The following TBX1 variants were observed in gnomAD, a reference collection of about 807,000 sequenced individuals.
TBX1 encodes the protein T-box transcription factor 1, also known as T-box transcription factor TBX1.
In TBX1, 16 loss-of-function variants were observed where a neutral mutation model predicts 40.8. The ratio of observed to expected loss-of-function variants is 0.39; its 90% confidence interval spans 0.27 to 0.60. TBX1 has a LOEUF of 0.60. TBX1 is among the 20% of genes least tolerant of loss of function. The probability of loss-of-function intolerance (pLI) is 0.51; values close to 1 mark genes in which losing one functional copy is unlikely to be tolerated. For missense variants in TBX1, 755 were observed against 728.5 expected, an observed-to-expected ratio of 1.04 and a Z score of -0.42; for synonymous variants, 403 against 336.8, an observed-to-expected ratio of 1.20 and a Z score of -2.15.
chr22:19,759,812 G>A (rs920254182), upstream of TBX1: 26 of 1,117,032 alleles, frequency 2.3e-5, no homozygotes, highest in Admixed American at 1.0e-4. Context: ...CGATTCTGGG[G>A]CAGAGAGGAA....
intron 8 of TBX1, among the ~76,000 whole-genome samples, chr22:19,775,296 T>C (rs922881355): frequency 6.6e-6 from 1 of 152,080 alleles, no homozygotes; most frequent in Non-Finnish European, 1.5e-5. Flanking sequence ...GGTTTCACCA[T>C]GTTGGCCAGG....
Position 19,766,999 on chromosome 22 carries a change from C to T in TBX1, c.*132C>T. The T allele has an allele frequency of 7.1e-7, 1 of 1,401,436 alleles. No homozygotes were observed. The highest frequency in any genetic ancestry group is 1.5e-5 in the South Asian group (1 of 67,032). 86.8% of individuals were successfully genotyped at this position (1,401,436 alleles called of 1,614,324 possible). On this transcript the variant is annotated 3_prime_UTR_variant, in exon 7 of 7. Coordinates refer to ENST00000649276, the MANE Select transcript of TBX1 (RefSeq NM_001379200.1). The stretch of plus-strand genomic sequence containing the variant: ...GGGGCCACCGCGGCTCTCCCCTTCC[C>T]CAGCCTCGAAGCCATGGGGGCCCCC...
In TBX1 at chr22:19,766,747, C is replaced by G; in HGVS notation, c.1395C>G (p.His465Gln). ...YHPHAHPHHHHHPVSPAAAAA... is the reference protein window; with the variant it reads ...YHPHAHPHHHQHPVSPAAAAA... ...CGCACGCGCATCCGCACCACCACCA[C>G]CACCCCGTGAGTCCAGCCGCCGCGG... is the stretch of plus-strand genomic sequence containing the variant. Residue 465 changes from histidine to glutamine, a missense_variant, in exon 7 of 7, where the codon CAC becomes CAG. His to Gln is a conservative substitution (Grantham distance 24). Coordinates refer to ENST00000649276, the MANE Select transcript of TBX1 (RefSeq NM_001379200.1). 6.5e-7 allele frequency: 1 copy of G among 1,540,800 alleles called. No homozygotes were observed. The highest frequency in any genetic ancestry group is 8.7e-7 in the Non-Finnish European group (1 of 1,154,716).
chr22:19,766,537 C>T lies in TBX1; in HGVS notation c.1185C>T (p.Pro395=), dbSNP rs1936853387. 2 of 1,346,562 alleles carry T rather than the reference C, an allele frequency of 1.5e-6. No individual in the cohort carries two copies. Among genetic ancestry groups the T allele is most frequent in the Non-Finnish European group, 9.5e-7 (1 of 1,053,708 alleles). 83.4% of individuals were successfully genotyped at this position (1,346,562 alleles called of 1,614,324 possible). Residue 395 remains proline (P), a synonymous_variant, in exon 7 of 7, where the codon CCC becomes CCT. Coordinates refer to ENST00000649276, the MANE Select transcript of TBX1 (RefSeq NM_001379200.1). The part of the protein sequence containing the change: ...AGGAGGLVPL[P]GAPGGRPSPP... ...GCGCCGGCGGCTTAGTCCCGCTGCC[C>T]GGCGCGCCCGGAGGCCGGCCCAGTC...
At chr22:19,763,756 G>C (rs1440091186) in intron 2 of TBX1, 3 of 395,470 alleles carry the variant, frequency 7.6e-6, no homozygotes, top group Non-Finnish European at 9.3e-6. Flanking sequence ...TATGCAGGGC[G>C]GGCCTCAGCT....
At chr22:19,766,245 T>A in intron 6 of TBX1, 144 bp from the exon 7 acceptor site, 1 of 1,136,652 alleles carries the variant, frequency 8.8e-7, no homozygotes, top group Non-Finnish European at 1.1e-6. Context: ...GCCGGCGACT[T>A]GGGGTCTCGG....
chr22:19,768,953 C>CTTTTTTTGTTTTTTTTTTT (rs1936939630), downstream of TBX1, among the ~76,000 whole-genome samples: 1 of 66,108 alleles, frequency 1.5e-5, no homozygotes, highest in African/African-American at 5.1e-5. Flanking sequence ...TGTTCGCATT[C>CTTTTTTTGTTTTTTTTTTT]TTTTTTTTTT....
Position 19,760,990 on chromosome 22 carries a change from G to T in TBX1, c.147G>T (p.Pro49=), listed in dbSNP as rs1936638234. The T allele has an allele frequency of 2.1e-6, 2 of 956,696 alleles. No individual in the cohort carries two copies. The highest frequency in any genetic ancestry group is 2.5e-6 in the Non-Finnish European group (2 of 806,904). The allele number at this position is 956,696 out of a possible 1,614,324, so 59.3% of individuals were successfully genotyped here. Reference sequence around the variant, plus strand: ...CGCCCGGCGCCGACCCGTACGGCCCGCGCGAGCCCCCGCCGCCGCCGCCGC... The same window carrying T: ...CGCCCGGCGCCGACCCGTACGGCCCTCGCGAGCCCCCGCCGCCGCCGCCGC... ...AASPGADPYG[P]REPPPPPPRY... The change falls in exon 1 of 7, where the codon CCG becomes CCT. Residue 49 remains proline (P), a synonymous_variant. Coordinates refer to ENST00000649276, the MANE Select transcript of TBX1 (RefSeq NM_001379200.1).
exon 9 of TBX1, chr22:19,779,395 C>A (rs765655371): frequency 6.2e-7 from 1 of 1,614,210 alleles, no homozygotes; most frequent in Non-Finnish European, 8.5e-7. Flanking sequence ...CCGCAGGTGA[C>A]CGTCTTTGTT....
rs373539086 is a variant in TBX1 at position 19,764,986 on chromosome 22, A to G, written c.740A>G (p.Gln247Arg). Residue 247 changes from glutamine to arginine, a missense_variant, in exon 4 of 7, where the codon CAG (glutamine) becomes CGG (arginine). Coordinates refer to ENST00000649276, the MANE Select transcript of TBX1 (RefSeq NM_001379200.1). ...HIILNSMHRY[Q>R]PRFHVVYVDP... Reference sequence around the variant, plus strand: ...ATTCTGAATTCCATGCACAGATACCAGCCCCGCTTCCACGTGGTCTATGTG... The same window carrying G: ...ATTCTGAATTCCATGCACAGATACCGGCCCCGCTTCCACGTGGTCTATGTG... 5 of 1,614,066 alleles carry G rather than the reference A, an allele frequency of 3.1e-6. No individual in the cohort carries two copies. Among genetic ancestry groups the G allele is most frequent in the Admixed American group, 1.7e-5 (1 of 60,006 alleles).
At chr22:19,775,157 G>A (rs1005065673) in intron 8 of TBX1, among the ~76,000 whole-genome samples, 4 of 152,018 alleles carry the variant, frequency 2.6e-5, no homozygotes, top group African/African-American at 9.7e-5. Context: ...ACAGTGGCGC[G>A]ATCTTGGCTC....
downstream of TBX1, among the ~76,000 whole-genome samples, chr22:19,767,748 G>C (rs1309383272): frequency 1.3e-5 from 2 of 152,254 alleles, no homozygotes; most frequent in African/African-American, 4.8e-5. Context: ...TTCCATGGAA[G>C]CTGGGAAGAA....
chr22:19,765,219 T>C, intron 4 of TBX1, 106 bp downstream of exon 4: 1 of 1,554,722 alleles, frequency 6.4e-7, no homozygotes, highest in Non-Finnish European at 8.8e-7. Context: ...ACCTGCAGGC[T>C]GTGGTCCCAG....
chr22:19,767,146 G>A lies in TBX1; in HGVS notation c.*279G>A, dbSNP rs1037619193. 1 of 1,245,446 alleles carries A rather than the reference G, an allele frequency of 8.0e-7. No individual in the cohort carries two copies. The highest frequency in any genetic ancestry group is 1.0e-6 in the Non-Finnish European group (1 of 995,002). The allele number at this position is 1,245,446 out of a possible 1,614,324, so 77.1% of individuals were successfully genotyped here. ...CCCGCCCGCCAGTGCCAAAGCGCCCGGTCGGAGGCGGAAGGAAGTGATATT... is the reference window on the plus strand; with the variant it reads ...CCCGCCCGCCAGTGCCAAAGCGCCCAGTCGGAGGCGGAAGGAAGTGATATT... On this transcript the variant is annotated 3_prime_UTR_variant, in exon 7 of 7. Transcript: ENST00000649276.
chr22:19,773,248 C>T (rs1476308611), intron 8 of TBX1, among the ~76,000 whole-genome samples: 3 of 152,324 alleles, frequency 2.0e-5, no homozygotes, highest in Admixed American at 6.5e-5. Context: ...CTGCCTGCTC[C>T]GCCACCTCCT....
upstream of TBX1, among the ~76,000 whole-genome samples, chr22:19,760,098 A>T (rs141465786): frequency 4.3e-4 from 65 of 152,302 alleles, no homozygotes; most frequent in East Asian, 0.012. Context: ...TAGGGGAGAA[A>T]CAGAAGGACA....
upstream of TBX1, among the ~76,000 whole-genome samples, chr22:19,760,526 G>A (rs921409254): frequency 1.7e-4 from 24 of 144,518 alleles, no homozygotes; most frequent in African/African-American, 5.5e-4. Flanking sequence ...AGGGCCGGCC[G>A]ACGGGCCCGG....
Position 19,766,969 on chromosome 22 carries a change from C to T in TBX1, c.*102C>T. ...GCAAGCAAGGAATACGTTCCCCCAG[C>T]CCCAGGGGCCACCGCGGCTCTCCCC... On this transcript the variant is annotated 3_prime_UTR_variant, in exon 7 of 7. Coordinates refer to ENST00000649276, the MANE Select transcript of TBX1 (RefSeq NM_001379200.1). The T allele has an allele frequency of 2.0e-6, 3 of 1,481,622 alleles. No individual in the cohort carries two copies. The highest frequency in any genetic ancestry group is 2.6e-5 in the South Asian group (2 of 77,934). The allele number at this position is 1,481,622 out of a possible 1,614,324, so 91.8% of individuals were successfully genotyped here. A position where few individuals can be genotyped will look rare whatever the true frequency, so the allele number is the denominator to read the frequency against.
chr22:19,780,942 C>A (rs1172614129), downstream of TBX1, among the ~76,000 whole-genome samples: 1 of 152,036 alleles, frequency 6.6e-6, no homozygotes, highest in Non-Finnish European at 1.5e-5. Context: ...GCCACCACGC[C>A]CAGCTAATTT....
Sources: allele counts gnomAD v4.1 joint callset (sites outside exome capture counted in the v4.1 genomes callset), GRCh38; gene constraint gnomAD v4.1.1; transcripts MANE v1.5; gene names NCBI Gene and HGNC (gene_info 2026-07-23, HGNC 2026-07-21).